The following FBXL18 variants were observed in gnomAD, a reference collection of about 807,000 sequenced individuals.
FBXL18 encodes the protein F-box/LRR-repeat protein 18.
Under a neutral mutation model 46.0 loss-of-function variants are expected in FBXL18, and 36 were observed. The ratio of observed to expected loss-of-function variants is 0.78; its 90% CI spans 0.60 to 1.03. The LOEUF is 1.03. Among genes scored for constraint, FBXL18 ranks in the 50% least tolerant of loss-of-function variants. The probability of loss-of-function intolerance (pLI) is 0.00; values close to 1 mark genes in which losing one functional copy is unlikely to be tolerated. For missense variants in FBXL18, 977 were observed against 1,004.1 expected, an observed-to-expected ratio of 0.97 and a Z score of 0.36; for synonymous variants, 557 against 465.3, an observed-to-expected ratio of 1.20 and a Z score of -2.54.
intron 4 of FBXL18, among the ~76,000 whole-genome samples, chr7:5,490,494 C>G (rs1053753518): frequency 1.3e-4 from 20 of 152,346 alleles, no homozygotes; most frequent in Admixed American, 9.8e-4. Flanking sequence ...TGCTAGCTAG[C>G]TAAGGGAAGA....
At position 5,483,099 on chromosome 7, in the gene FBXL18, G is replaced by A. The variant is rs182469027; in HGVS notation, c.2001-1168C>T. Among the ~76,000 whole-genome samples the A allele has an allele frequency of 2.6e-5, 4 of 151,788 alleles. No individual in the cohort carries two copies. The East Asian group carries it at 7.8e-4, about 29-fold the overall frequency. Reference sequence around the variant, plus strand: ...CAAAGACGACCCAAGTGCCAGCCCGGGAGCTCCAGGCAGAAGGAAAAACAT... The same window carrying A: ...CAAAGACGACCCAAGTGCCAGCCCGAGAGCTCCAGGCAGAAGGAAAAACAT... On this transcript the variant is annotated intron_variant, in intron 4 of 4. Coordinates refer to ENST00000382368, the MANE Select transcript of FBXL18 (RefSeq NM_024963.6).
At chr7:5,470,315 G>A (rs1783407230) in intron 4 of FBXL18, among the ~76,000 whole-genome samples, 1 of 152,128 alleles carries the variant, frequency 6.6e-6, no homozygotes, top group Non-Finnish European at 1.5e-5. Context: ...CCGTGACCAA[G>A]GCGTGCCCCT....
intron 1 of FBXL18, among the ~76,000 whole-genome samples, chr7:5,509,209 A>T (rs909577492): frequency 1.3e-5 from 2 of 151,700 alleles, no homozygotes; most frequent in African/African-American, 4.8e-5. Flanking sequence ...AAAAAAAAAA[A>T]ATCCAGCATC....
At chr7:5,461,021 T>C (rs368890782) in intron 4 of FBXL18, among the ~76,000 whole-genome samples, 8 of 152,326 alleles carry the variant, frequency 5.3e-5, no homozygotes, top group African/African-American at 1.9e-4. Context: ...ACAAGTGCTG[T>C]GTTTGCACCA....
At chr7:5,508,953 G>A (rs1784460384) in intron 1 of FBXL18, among the ~76,000 whole-genome samples, 1 of 152,146 alleles carries the variant, frequency 6.6e-6, no homozygotes, top group African/African-American at 2.4e-5. Context: ...AGCACATTCA[G>A]AGGCTGAGAT....
At position 5,463,728 on chromosome 7, in the gene FBXL18, ATTTTTTTTTTTT is replaced by A. The variant is rs552002078; in HGVS notation, c.2001-15897_2001-15886del. Among the ~76,000 whole-genome samples, 63 of 53,004 alleles carry A rather than the reference ATTTTTTTTTTTT, an allele frequency of 1.2e-3. 1 individual carries two copies. The highest frequency in any genetic ancestry group is 4.7e-3 in the African/African-American group (59 of 12,560). 34.8% of individuals were successfully genotyped at this position (53,004 alleles called of 152,430 possible). On this transcript the variant is annotated intron_variant and NMD_transcript_variant, in intron 4 of 6. Transcript: ENST00000415009. ...TATTTATTTATTTATTTATTTATTT[ATTTTTTTTTTTT>A]TTTTTTTTTTTTTTTTTTGAGACGG...
chr7:5,502,035 C>T lies in FBXL18; in HGVS notation c.238-4G>A, dbSNP rs894133242. On this transcript the variant is annotated splice_polypyrimidine_tract_variant and splice_region_variant and intron_variant, in intron 2 of 4. Coordinates refer to ENST00000382368, the MANE Select transcript of FBXL18 (RefSeq NM_024963.6). ...GCCTCACTTTGTCCTCGCTCGCCTG[C>T]GGGACAGAGGCAGGGTGGGGAGAGG... 5 of 1,570,768 alleles carry T rather than the reference C, an allele frequency of 3.2e-6. No homozygotes were observed. The African/African-American group carries it at 4.0e-5, about 13-fold the overall frequency.
At chr7:5,486,555 A>T (rs1401954379) in intron 4 of FBXL18, among the ~76,000 whole-genome samples, 23 of 152,126 alleles carry the variant, frequency 1.5e-4, no homozygotes. Context: ...GAGGAGGCTG[A>T]AGCAGGAGGA....
chr7:5,480,587 G>A lies in FBXL18; in HGVS notation c.*1188C>T, dbSNP rs1253603527. ...TTTTTTTTTTTTTTTTTTTTGAGGC[G>A]GAGTCTCACCCTGTTGTCCAGGCTG... On this transcript the variant is annotated 3_prime_UTR_variant, in exon 5 of 5. Coordinates refer to ENST00000382368, the MANE Select transcript of FBXL18 (RefSeq NM_024963.6). The A allele has an allele frequency of 1.4e-4, 14 of 100,120 alleles. No homozygotes were observed. The highest frequency in any genetic ancestry group is 1.7e-4 in the African/African-American group (4 of 23,828). 6.2% of individuals were successfully genotyped at this position (100,120 alleles called of 1,614,324 possible).
chr7:5,466,171 A>AAAAAAAAAAAGAAAAGAAAAG (rs1252784245), intron 4 of FBXL18, among the ~76,000 whole-genome samples: 2 of 148,746 alleles, frequency 1.3e-5, no homozygotes, highest in African/African-American at 4.9e-5. Flanking sequence ...AGAGAATTTA[A>AAAAAAAAAAAGAAAAGAAAAG]AAAAAAAAAA....
intron 4 of FBXL18, among the ~76,000 whole-genome samples, chr7:5,485,444 C>G (rs943038017): frequency 6.6e-6 from 1 of 152,122 alleles, no homozygotes; most frequent in African/African-American, 2.4e-5. Flanking sequence ...CACTCATTGG[C>G]GAGATGTGCC....
intron 4 of FBXL18, among the ~76,000 whole-genome samples, chr7:5,460,953 T>A (rs1783235540): frequency 6.6e-6 from 1 of 152,246 alleles, no homozygotes; most frequent in Non-Finnish European, 1.5e-5. Flanking sequence ...GTAATCGTGC[T>A]ACTGGGAAAC....
chr7:5,503,469 T>G (rs1304876069), intron 2 of FBXL18, among the ~76,000 whole-genome samples: 4 of 151,914 alleles, frequency 2.6e-5, no homozygotes, highest in Non-Finnish European at 5.9e-5. Flanking sequence ...TCCTCCCACC[T>G]CAGCCTCCTG....
chr7:5,469,734 G>A (rs1783399234), intron 4 of FBXL18, among the ~76,000 whole-genome samples: 1 of 152,068 alleles, frequency 6.6e-6, no homozygotes. Flanking sequence ...TGTGGGGTGA[G>A]CAGAGGTGTG....
downstream of FBXL18, among the ~76,000 whole-genome samples, chr7:5,472,872 C>T (rs1783448500): frequency 6.6e-6 from 1 of 152,136 alleles, no homozygotes; most frequent in Non-Finnish European, 1.5e-5. Flanking sequence ...TTGTTATGTA[C>T]AAGACAGAAT....
intron 3 of FBXL18, 47 bp downstream of exon 3, chr7:5,500,441 C>G (rs762424464): frequency 6.5e-7 from 1 of 1,527,478 alleles, no homozygotes; most frequent in South Asian, 1.3e-5. Flanking sequence ...CCAGTTCCCT[C>G]CGCCAGCTTC....
At position 5,478,132 on chromosome 7, in the gene FBXL18, G is replaced by A. The variant is rs1783559495; in HGVS notation, c.*3643C>T. ...CAGCCCGTCCTGGCTGCCGTCCTGG[G>A]TCGAAGCAGCAAGTGTCTTCCCGCC... On this transcript the variant is annotated 3_prime_UTR_variant, in exon 5 of 5. Transcript: ENST00000382368. The A allele has an allele frequency of 6.6e-6, 1 of 152,408 alleles. No homozygotes were observed. The highest frequency in any genetic ancestry group is 2.1e-4 in the South Asian group (1 of 4,836). 9.4% of individuals were successfully genotyped at this position (152,408 alleles called of 1,614,324 possible).
intron 4 of FBXL18, among the ~76,000 whole-genome samples, chr7:5,488,976 C>A (rs1381368508): frequency 6.6e-6 from 1 of 152,196 alleles, no homozygotes; most frequent in Non-Finnish European, 1.5e-5. Flanking sequence ...CAGCTCACAG[C>A]ACAAGGATGC....
At chr7:5,460,785 G>C (rs1179161072) in intron 4 of FBXL18, among the ~76,000 whole-genome samples, 2 of 152,152 alleles carry the variant, frequency 1.3e-5, no homozygotes, top group East Asian at 3.8e-4. Flanking sequence ...GGCTTGGGAC[G>C]TGCACCCGGG....
Sources: gnomAD v4.1 joint callset for allele counts (sites outside exome capture counted in the v4.1 genomes callset) on GRCh38, gnomAD v4.1.1 for gene constraint, MANE v1.5 for transcripts, NCBI Gene and HGNC (gene_info 2026-07-23, HGNC 2026-07-21) for gene names.